PEX5L: variants seen among roughly 807,000 people sequenced by gnomAD.
The protein encoded by PEX5L is PEX5-related protein.
Under a neutral mutation model 84.0 loss-of-function variants are expected in PEX5L, and 30 were observed. The observed-to-expected ratio is 0.36, with a 90% confidence interval of 0.27 to 0.48. PEX5L has a LOEUF of 0.48. Ranked by LOEUF, PEX5L falls within the 20% of genes least tolerant of loss-of-function variation. The probability of loss-of-function intolerance (pLI) is 0.99; values close to 1 mark genes in which losing one functional copy is unlikely to be tolerated. For synonymous variants in PEX5L, 270 were observed against 283.1 expected, an observed-to-expected ratio of 0.95 and a Z score of 0.46; for missense variants, 533 against 754.6, an observed-to-expected ratio of 0.71 and a Z score of 3.44.
At chr3:179,912,893 C>G (rs1765672191) in intron 2 of PEX5L, among the ~76,000 whole-genome samples, 1 of 152,098 alleles carries the variant, frequency 6.6e-6, no homozygotes, top group African/African-American at 2.4e-5. Flanking sequence ...AGCCCCAACT[C>G]TGACAACTAT....
intron 9 of PEX5L, among the ~76,000 whole-genome samples, chr3:179,818,478 G>A (rs1336055744): frequency 6.6e-6 from 1 of 151,836 alleles, no homozygotes; most frequent in South Asian, 2.1e-4. Context: ...TATTTTAAAA[G>A]GTACAATAAA....
At chr3:180,030,853 C>A (rs1791389197) in intron 1 of PEX5L, among the ~76,000 whole-genome samples, 1 of 151,896 alleles carries the variant, frequency 6.6e-6, no homozygotes, top group Non-Finnish European at 1.5e-5. Flanking sequence ...TGTGCATGCA[C>A]CTGAAATTCT....
Position 179,808,426 on chromosome 3 carries a change from T to A in PEX5L, c.1364A>T (p.Glu455Val). ...TTCCAGATATAATTCCTTCACCCCT[T>A]CCAGAACAGAGCTACAAGAGAAAAA... ...SKSPVDSSVL[E>V]GVKELYLEAA... Residue 455 changes from glutamate (E) to valine (V), a missense_variant, in exon 13 of 15, where the codon GAA (glutamate) becomes GTA (valine). By Grantham distance (121) the Glu-to-Val change is moderately radical. This residue lies in a region of PEX5L where 63 missense variants were observed against 60.2 expected (regional missense o/e 1.05). Transcript: ENST00000467460. The A allele has an allele frequency of 6.6e-7, 1 of 1,517,936 alleles. No homozygotes were observed. 94.0% of individuals were successfully genotyped at this position (1,517,936 alleles called of 1,614,324 possible). A position where few individuals can be genotyped will look rare whatever the true frequency, so the allele number is the denominator to read the frequency against.
intron 1 of PEX5L, among the ~76,000 whole-genome samples, chr3:180,033,208 G>T (rs941393728): frequency 6.6e-6 from 1 of 152,126 alleles, no homozygotes; most frequent in African/African-American, 2.4e-5. Context: ...TACTTTTTGG[G>T]CTGTTAATAA....
At chr3:180,026,598 T>C (rs182994391) in intron 1 of PEX5L, among the ~76,000 whole-genome samples, 3 of 152,322 alleles carry the variant, frequency 2.0e-5, no homozygotes, top group African/African-American at 7.2e-5. Flanking sequence ...TAGATGGACA[T>C]TGATCAATGA....
intron 2 of PEX5L, among the ~76,000 whole-genome samples, chr3:179,910,971 G>GA (rs1042012634): frequency 5.9e-5 from 9 of 151,664 alleles, no homozygotes; most frequent in Non-Finnish European, 1.0e-4. Context: ...CTTATTAAAA[G>GA]AAAAAAAACC....
intron 10 of PEX5L, among the ~76,000 whole-genome samples, chr3:179,813,328 A>G (rs950251340): frequency 6.6e-6 from 1 of 152,138 alleles, no homozygotes; most frequent in African/African-American, 2.4e-5. Flanking sequence ...TGAGATCGTA[A>G]TATGTCCTTA....
intron 2 of PEX5L, among the ~76,000 whole-genome samples, chr3:179,916,845 T>C (rs1767329754): frequency 6.6e-6 from 1 of 151,962 alleles, no homozygotes; most frequent in South Asian, 2.1e-4. Flanking sequence ...AATTTTTGTA[T>C]TTTTAGTTGA....
intron 1 of PEX5L, among the ~76,000 whole-genome samples, chr3:180,018,257 G>A (rs931667481): frequency 9.9e-5 from 15 of 151,978 alleles, no homozygotes; most frequent in Non-Finnish European, 1.9e-4. Flanking sequence ...ATTATGTCAC[G>A]ATTAGTTTTA....
chr3:180,024,687 T>TGA lies in PEX5L; in HGVS notation c.21+11891_21+11892insTC, dbSNP rs113438710. ...TGATGTGAAAAGCTGCATGTGTGTG[T>TGA]GTGAGAGAGAGAGAGAGAACTCACA... On this transcript the variant is annotated intron_variant, in intron 1 of 14. Coordinates refer to ENST00000467460, the MANE Select transcript of PEX5L (RefSeq NM_016559.3). 8.8e-3 allele frequency among the ~76,000 whole-genome samples: 1,337 copies of TGA among 151,810 alleles called. 18 individuals are homozygous for TGA. The highest frequency in any genetic ancestry group is 0.031 in the African/African-American group (1,274 of 41,298).
chr3:179,958,793 A>G (rs1242478588), intron 2 of PEX5L, among the ~76,000 whole-genome samples: 1 of 152,230 alleles, frequency 6.6e-6, no homozygotes, highest in African/African-American at 2.4e-5. Context: ...AAAATAAAAA[A>G]TTAATGTCTT....
At chr3:179,973,193 A>T (rs1344500455) in intron 1 of PEX5L, 2 of 1,289,148 alleles carry the variant, frequency 1.6e-6, no homozygotes, top group East Asian at 1.1e-4. Flanking sequence ...GTTTCTGGAC[A>T]AAAGGGCATT....
intron 2 of PEX5L, among the ~76,000 whole-genome samples, chr3:179,940,844 G>A (rs2109793582): frequency 6.6e-6 from 1 of 152,332 alleles, no homozygotes; most frequent in African/African-American, 2.4e-5. Flanking sequence ...GGATCTTCTA[G>A]CACGAAAAGA....
chr3:179,828,733 G>A (rs892802183), intron 8 of PEX5L, among the ~76,000 whole-genome samples: 1 of 152,034 alleles, frequency 6.6e-6, no homozygotes, highest in Admixed American at 6.6e-5. Flanking sequence ...CTTAGTGTAT[G>A]AGCATCTAAA....
chr3:179,940,893 A>C (rs2109794145), intron 2 of PEX5L, among the ~76,000 whole-genome samples: 1 of 152,356 alleles, frequency 6.6e-6, no homozygotes, highest in South Asian at 2.1e-4. Flanking sequence ...AGGTTTTAAA[A>C]ATGTAAGAAA....
At chr3:179,877,470 T>C (rs2108752275) in intron 5 of PEX5L, among the ~76,000 whole-genome samples, 1 of 152,272 alleles carries the variant, frequency 6.6e-6, no homozygotes, top group African/African-American at 2.4e-5. Flanking sequence ...AATATATTCT[T>C]TTTTTTAAGA....
intron 11 of PEX5L, among the ~76,000 whole-genome samples, chr3:179,810,008 T>C (rs1723135763): frequency 2.4e-5 from 2 of 84,304 alleles, no homozygotes; most frequent in Middle Eastern, 5.0e-3. Context: ...GCTGCTTTTT[T>C]TTTTTTTTTT....
rs551375844 is a variant in PEX5L, at chr3:180,002,902, T to A, written c.22-31237A>T. On this transcript the variant is annotated intron_variant, in intron 1 of 14. Transcript: ENST00000467460. ...CAGGAAACAATTGCAATAACACAAA[T>A]TGTCCCATAAAGATCTAAATTATCT... Among the ~76,000 whole-genome samples, 6 of 152,216 alleles carry A rather than the reference T, an allele frequency of 3.9e-5. No individual in the cohort carries two copies. In the South Asian group the frequency reaches 1.2e-3, roughly 32 times the overall value.
chr3:179,961,301 C>A (rs931981718), intron 2 of PEX5L, among the ~76,000 whole-genome samples: 1 of 150,074 alleles, frequency 6.7e-6, no homozygotes, highest in Non-Finnish European at 1.5e-5. Context: ...AAAAATTAAA[C>A]CAAAAATGGA....
Sources: allele counts gnomAD v4.1 joint callset (sites outside exome capture counted in the v4.1 genomes callset), GRCh38; gene constraint gnomAD v4.1.1; regional missense constraint gnomAD v4.1.1; transcripts MANE v1.5; gene names NCBI Gene and HGNC (gene_info 2026-07-23, HGNC 2026-07-21).